Variants in TMTC1 observed in about 807,000 individuals in gnomAD.
The protein encoded by TMTC1 is protein O-mannosyl-transferase TMTC1.
In TMTC1, 73 loss-of-function variants were observed where a neutral mutation model predicts 104.8. The observed-to-expected ratio is 0.70, with a 90% CI of 0.58 to 0.85. The LOEUF (loss-of-function observed/expected upper bound fraction) is 0.85. Ranked by LOEUF, TMTC1 falls within the 40% of genes least tolerant of loss-of-function variation. The pLI is 0.00. For synonymous variants in TMTC1, 434 were observed against 428.7 expected (o/e 1.01, Z -0.15); for missense variants, 1,035 against 1,096.1 (o/e 0.94, Z 0.79).
chr12:29,517,204 A>G (rs1944012389), intron 14 of TMTC1, among the ~76,000 whole-genome samples: 1 of 152,234 alleles, frequency 6.6e-6, no homozygotes, highest in Non-Finnish European at 1.5e-5. Flanking sequence ...ATTTTTTACT[A>G]TTCTTGCAAC....
intron 6 of TMTC1, among the ~76,000 whole-genome samples, chr12:29,627,096 C>T (rs1212352690): frequency 1.3e-5 from 2 of 151,582 alleles, no homozygotes; most frequent in African/African-American, 2.4e-5. Context: ...AGCGAAACTC[C>T]ATCTCAAAAA....
In TMTC1 at chr12:29,572,204, G is replaced by A; in HGVS notation, c.1433C>T (p.Thr478Ile). The change falls in exon 9 of 18, where the codon ACT (threonine) becomes ATT (isoleucine). Residue 478 changes from threonine to isoleucine, a missense_variant. Physicochemically the swap from Thr to Ile is moderately conservative, Grantham distance 89 (BLOSUM62 -1). Transcript: ENST00000539277. ...GTGAACCTTGGCATTGTGGGGCAGAGTTTGAACTCCAGACCTAAAATGAAT... is the reference window on the plus strand; with the variant it reads ...GTGAACCTTGGCATTGTGGGGCAGAATTTGAACTCCAGACCTAAAATGAAT... ...RESLFRSGVQTLPHNAKVHYN... is the reference protein window; with the variant it reads ...RESLFRSGVQILPHNAKVHYN... 2 of 1,613,510 alleles carry A rather than the reference G, an allele frequency of 1.2e-6. No homozygotes were observed. Among genetic ancestry groups the A allele is most frequent in the Non-Finnish European group, 1.7e-6 (2 of 1,179,466 alleles).
chr12:29,686,375 C>A (rs891352045), intron 5 of TMTC1, among the ~76,000 whole-genome samples: 1 of 152,192 alleles, frequency 6.6e-6, no homozygotes, highest in African/African-American at 2.4e-5. Flanking sequence ...ATACTACATG[C>A]CAGTGCACCC....
At chr12:29,749,693 T>A (rs1943041176) in intron 5 of TMTC1, among the ~76,000 whole-genome samples, 1 of 152,142 alleles carries the variant, frequency 6.6e-6, no homozygotes, top group Admixed American at 6.5e-5. Flanking sequence ...ATTATTATGA[T>A]TTTATTCTCT....
chr12:29,776,542 A>G (rs1343087399), intron 1 of TMTC1, among the ~76,000 whole-genome samples: 2 of 152,250 alleles, frequency 1.3e-5, no homozygotes, highest in Admixed American at 6.5e-5. Flanking sequence ...AAAAGGATTT[A>G]TTCATTCTTT....
chr12:29,580,580 T>C (rs558138687), intron 8 of TMTC1, among the ~76,000 whole-genome samples: 27 of 152,162 alleles, frequency 1.8e-4, no homozygotes, highest in Non-Finnish European at 3.7e-4. Context: ...GTTTTAGGAA[T>C]GGTCTATGGT....
intron 4 of TMTC1, among the ~76,000 whole-genome samples, chr12:29,754,683 T>C (rs977607331): frequency 6.6e-6 from 1 of 152,138 alleles, no homozygotes; most frequent in Non-Finnish European, 1.5e-5. Flanking sequence ...TGGCACGAGT[T>C]TGGGTCAAAG....
intron 9 of TMTC1, among the ~76,000 whole-genome samples, chr12:29,560,684 T>C (rs1008524511): frequency 3.9e-5 from 6 of 152,134 alleles, no homozygotes; most frequent in African/African-American, 1.4e-4. Flanking sequence ...TGTGTTCAAG[T>C]ATTGGGTACT....
chr12:29,636,164 A>C (rs1055825466), intron 5 of TMTC1, among the ~76,000 whole-genome samples: 6 of 152,222 alleles, frequency 3.9e-5, no homozygotes, highest in African/African-American at 1.2e-4. Flanking sequence ...ACGAAGAGGA[A>C]GGGAAAGAAA....
At chr12:29,584,159 G>A (rs985058558) in intron 7 of TMTC1, among the ~76,000 whole-genome samples, 2 of 152,146 alleles carry the variant, frequency 1.3e-5, no homozygotes, top group African/African-American at 4.8e-5. Context: ...GCTCATCACA[G>A]ACAAGATGCA....
intron 2 of TMTC1, 31 bp downstream of exon 2, chr12:29,767,867 C>T (rs375410227): frequency 6.2e-6 from 10 of 1,604,532 alleles, no homozygotes; most frequent in South Asian, 1.1e-5. Context: ...CATTCATATT[C>T]GTTATTTCAC....
At chr12:29,610,490 T>C (rs544258681) in intron 6 of TMTC1, among the ~76,000 whole-genome samples, 14 of 152,288 alleles carry the variant, frequency 9.2e-5, no homozygotes, top group African/African-American at 2.9e-4. Context: ...TTAAATGCAA[T>C]AGACCACTTC....
chr12:29,639,287 G>C (rs1466304012), intron 5 of TMTC1, among the ~76,000 whole-genome samples: 1 of 152,132 alleles, frequency 6.6e-6, no homozygotes, highest in African/African-American at 2.4e-5. Context: ...AAGATGAAGG[G>C]AAGACATCCT....
chr12:29,551,228 G>A (rs769238234), intron 10 of TMTC1, among the ~76,000 whole-genome samples: 13 of 152,078 alleles, frequency 8.5e-5, no homozygotes, highest in African/African-American at 1.9e-4. Flanking sequence ...TCTACTCTCC[G>A]GGGCTTCAGT....
intron 5 of TMTC1, among the ~76,000 whole-genome samples, chr12:29,716,290 G>C (rs1217036819): frequency 6.6e-6 from 1 of 152,000 alleles, no homozygotes; most frequent in Non-Finnish European, 1.5e-5. Flanking sequence ...CCAAAGCTTT[G>C]AGATTACGGG....
chr12:29,551,153 A>T (rs1322206334), intron 10 of TMTC1, among the ~76,000 whole-genome samples: 1 of 152,110 alleles, frequency 6.6e-6, no homozygotes, highest in Non-Finnish European at 1.5e-5. Context: ...GCTCATCTGA[A>T]GCTGGTATAC....
intron 10 of TMTC1, among the ~76,000 whole-genome samples, chr12:29,554,195 A>C (rs186779143): frequency 1.3e-5 from 2 of 152,342 alleles, no homozygotes; most frequent in Admixed American, 6.5e-5. Context: ...GCAGAGTGAA[A>C]TAACAACATG....
At chr12:29,753,151 T>C (rs1164621397) in intron 4 of TMTC1, among the ~76,000 whole-genome samples, 1 of 152,192 alleles carries the variant, frequency 6.6e-6, no homozygotes, top group Non-Finnish European at 1.5e-5. Context: ...CGATGAAAGA[T>C]CTCAAGAACC....
intron 5 of TMTC1, among the ~76,000 whole-genome samples, chr12:29,675,636 C>A (rs1940701962): frequency 6.8e-6 from 1 of 147,266 alleles, no homozygotes. Context: ...ACACACCCTC[C>A]ATGACTTTCT....
Sources: allele counts gnomAD v4.1 joint callset (sites outside exome capture counted in the v4.1 genomes callset), GRCh38; gene constraint gnomAD v4.1.1; transcripts MANE v1.5; gene names NCBI Gene and HGNC (gene_info 2026-07-23, HGNC 2026-07-21).